The following TNRC6C variants were observed in gnomAD, a reference collection of about 807,000 sequenced individuals.
TNRC6C encodes trinucleotide repeat-containing gene 6C protein.
In TNRC6C, 20 loss-of-function variants were observed where a neutral mutation model predicts 153.7. The ratio of observed to expected loss-of-function variants is 0.13; its 90% CI spans 0.09 to 0.19. The LOEUF (loss-of-function observed/expected upper bound fraction) is 0.19. Among genes scored for constraint, TNRC6C ranks in the 10% least tolerant of loss-of-function variants. TNRC6C has a pLI of 1.00. For synonymous variants in TNRC6C, 811 were observed against 841.4 expected (o/e 0.96, Z 0.63); for missense variants, 1,987 against 2,172.0 (o/e 0.91, Z 1.69).
chr17:78,050,755 G>C (rs1388378311), exon 3 of TNRC6C: 4 of 1,596,906 alleles, frequency 2.5e-6, no homozygotes, highest in Non-Finnish European at 2.6e-6. Context: ...CGCAAATCAG[G>C]AGGACAAGTC....
chr17:77,991,642 A>G (rs1235172567), intron 1 of TNRC6C, among the ~76,000 whole-genome samples: 2 of 152,180 alleles, frequency 1.3e-5, no homozygotes, highest in Non-Finnish European at 2.9e-5. Flanking sequence ...CAGGAGAGAA[A>G]CATCTTGAGC....
At chr17:78,100,212 T>C (rs2144640704) in intron 17 of TNRC6C, among the ~76,000 whole-genome samples, 1 of 152,326 alleles carries the variant, frequency 6.6e-6, no homozygotes. Context: ...ACGGTGACCT[T>C]CTTCTCATAG....
chr17:77,981,049 C>T (rs2071069792), intron 1 of TNRC6C, among the ~76,000 whole-genome samples: 1 of 152,096 alleles, frequency 6.6e-6, no homozygotes, highest in Non-Finnish European at 1.5e-5. Flanking sequence ...AGTTACGGCT[C>T]ACTGCAGCCT....
chr17:78,067,926 A>C lies in TNRC6C; in HGVS notation c.2778+3A>C, dbSNP rs1418843071. The C allele has an allele frequency of 1.2e-6, 2 of 1,609,992 alleles. No individual in the cohort carries two copies. Among genetic ancestry groups the C allele is most frequent in the African/African-American group, 1.3e-5 (1 of 74,694 alleles). On this transcript the variant is annotated splice_donor_region_variant and intron_variant, in intron 5 of 19. Coordinates refer to ENST00000301624, the Ensembl canonical transcript of TNRC6C. ...CCCCCAAAAAAGGACTTCAAAAGGTAAGTACAACACTCTTAACGACGGTAC... is the reference window on the plus strand; with the variant it reads ...CCCCCAAAAAAGGACTTCAAAAGGTCAGTACAACACTCTTAACGACGGTAC...
chr17:77,997,524 C>T (rs764998526), intron 1 of TNRC6C, among the ~76,000 whole-genome samples: 1 of 152,148 alleles, frequency 6.6e-6, no homozygotes, highest in South Asian at 2.1e-4. Flanking sequence ...TCCTCAATGC[C>T]CCCAACACAT....
intron 3 of TNRC6C, among the ~76,000 whole-genome samples, chr17:78,063,799 T>C (rs558083506): frequency 3.9e-4 from 59 of 152,320 alleles, no homozygotes; most frequent in African/African-American, 1.2e-3. Context: ...GTGTCTATGA[T>C]GGTCAAAAGA....
intron 1 of TNRC6C, among the ~76,000 whole-genome samples, chr17:77,969,860 T>C (rs984242813): frequency 6.6e-6 from 1 of 152,136 alleles, no homozygotes; most frequent in Non-Finnish European, 1.5e-5. Context: ...TTAAAGGGAC[T>C]CTAGTTTTTA....
intron 5 of TNRC6C, among the ~76,000 whole-genome samples, chr17:78,069,172 G>A (rs2072941321): frequency 1.3e-5 from 2 of 151,880 alleles, no homozygotes; most frequent in Non-Finnish European, 2.9e-5. Context: ...CATAGAGAGG[G>A]CCAATCCCCT....
At chr17:78,081,230 T>C (rs1482378969) in intron 10 of TNRC6C, among the ~76,000 whole-genome samples, 1 of 151,632 alleles carries the variant, frequency 6.6e-6, no homozygotes, top group Non-Finnish European at 1.5e-5. Flanking sequence ...GCCTCCGCTC[T>C]TAACACCACC....
chr17:78,058,023 C>G (rs79810498), intron 3 of TNRC6C, among the ~76,000 whole-genome samples: 1,874 of 152,238 alleles, frequency 0.012, 34 homozygotes, highest in African/African-American at 0.043. Context: ...CAGTATTAGT[C>G]CAGAGAAATA....
At chr17:78,085,427 A>G (rs1266134643) in intron 11 of TNRC6C, among the ~76,000 whole-genome samples, 1 of 152,226 alleles carries the variant, frequency 6.6e-6, no homozygotes, top group East Asian at 1.9e-4. Flanking sequence ...TTATTCCTCC[A>G]TGATTACAGA....
At chr17:77,967,568 C>T (rs2070907653) in intron 1 of TNRC6C, among the ~76,000 whole-genome samples, 1 of 152,152 alleles carries the variant, frequency 6.6e-6, no homozygotes, top group Non-Finnish European at 1.5e-5. Flanking sequence ...CATAGGGGCT[C>T]CCTGCACTAC....
chr17:78,040,716 T>A (rs1218809017), intron 2 of TNRC6C, among the ~76,000 whole-genome samples: 3 of 152,250 alleles, frequency 2.0e-5, no homozygotes, highest in Non-Finnish European at 4.4e-5. Flanking sequence ...ATGCTAATTG[T>A]AACTGGGTCC....
intron 3 of TNRC6C, among the ~76,000 whole-genome samples, chr17:78,055,566 A>G (rs1344677835): frequency 6.6e-6 from 1 of 152,178 alleles, no homozygotes; most frequent in Admixed American, 6.5e-5. Flanking sequence ...TTAGGGGACC[A>G]TTGTCCTGTA....
chr17:78,053,301 G>C (rs1157109949), intron 3 of TNRC6C, among the ~76,000 whole-genome samples: 1 of 152,170 alleles, frequency 6.6e-6, no homozygotes, highest in Non-Finnish European at 1.5e-5. Flanking sequence ...GGGGGGATAA[G>C]GAGAAGCAGG....
upstream of TNRC6C, among the ~76,000 whole-genome samples, chr17:78,000,615 T>TCC (rs1410836302): frequency 3.0e-3 from 41 of 13,524 alleles, 3 homozygotes; most frequent in Non-Finnish European, 4.3e-3. Flanking sequence ...TCTTTCTCCC[T>TCC]CCGCCCCCCC....
intron 2 of TNRC6C, among the ~76,000 whole-genome samples, chr17:78,036,589 A>ACG (rs1364887941): frequency 6.6e-6 from 1 of 152,190 alleles, no homozygotes; most frequent in African/African-American, 2.4e-5. Flanking sequence ...ATGTATATTT[A>ACG]TATACTGTTA....
intron 18 of TNRC6C, chr17:78,102,863 C>A: frequency 3.1e-6 from 1 of 322,338 alleles, no homozygotes; most frequent in Non-Finnish European, 5.7e-6. Flanking sequence ...CCTGGCTGGG[C>A]GCAGTAGCTC....
chr17:78,029,220 A>T (rs186507864), intron 1 of TNRC6C, among the ~76,000 whole-genome samples: 2 of 152,356 alleles, frequency 1.3e-5, no homozygotes, highest in East Asian at 3.9e-4. Context: ...ACTAAAATTC[A>T]GTAGTACGAT....
Sources: gnomAD v4.1 joint callset for allele counts (sites outside exome capture counted in the v4.1 genomes callset) on GRCh38, gnomAD v4.1.1 for gene constraint, MANE v1.5 for transcripts, NCBI Gene and HGNC (gene_info 2026-07-23, HGNC 2026-07-21) for gene names.